The following TMTC1 variants were observed in gnomAD, a reference collection of about 807,000 sequenced individuals.
TMTC1 encodes the protein transmembrane O-mannosyltransferase targeting cadherins 1, also known as protein O-mannosyl-transferase TMTC1.
A neutral mutation model predicts 104.8 loss-of-function variants in TMTC1; 73 were observed. The ratio of observed to expected loss-of-function variants is 0.70; its 90% confidence interval spans 0.58 to 0.85. The LOEUF (loss-of-function observed/expected upper bound fraction) is 0.85. Ranked by LOEUF, TMTC1 falls within the 40% of genes least tolerant of loss-of-function variation. The pLI is 0.00. For synonymous variants in TMTC1, 434 were observed against 428.7 expected, an observed-to-expected ratio of 1.01 and a Z score of -0.15; for missense variants, 1,035 against 1,096.1, an observed-to-expected ratio of 0.94 and a Z score of 0.79.
chr12:29,751,879 T>C lies in TMTC1; in HGVS notation c.732-7A>G. 1 of 1,542,108 alleles carries C rather than the reference T, an allele frequency of 6.5e-7. No homozygotes were observed. Among genetic ancestry groups the C allele is most frequent in the Non-Finnish European group, 8.7e-7 (1 of 1,142,866 alleles). ...ACAGAGGGCCCCATTGCTCCTGTTG[T>C]GCATGGAATTGAGGGAAAACAAAGT... On this transcript the variant is annotated splice_polypyrimidine_tract_variant and splice_region_variant and intron_variant, in intron 4 of 17. Transcript: ENST00000539277.
At chr12:29,697,241 A>C (rs1266905210) in intron 5 of TMTC1, among the ~76,000 whole-genome samples, 1 of 152,202 alleles carries the variant, frequency 6.6e-6, no homozygotes, top group East Asian at 1.9e-4. Context: ...CACTTCTTCC[A>C]CCTGTCACTT....
At chr12:29,711,176 C>T (rs1941915824) in intron 5 of TMTC1, among the ~76,000 whole-genome samples, 1 of 151,542 alleles carries the variant, frequency 6.6e-6, no homozygotes, top group Non-Finnish European at 1.5e-5. Context: ...GACAGGGTCT[C>T]ACTGTGTGCC....
intron 5 of TMTC1, among the ~76,000 whole-genome samples, chr12:29,697,767 G>C (rs1840243703): frequency 6.6e-6 from 1 of 152,158 alleles, no homozygotes; most frequent in African/African-American, 2.4e-5. Context: ...TTTCTCAGGG[G>C]AGGCCAGTCT....
chr12:29,727,242 TAG>T (rs1942417597), intron 5 of TMTC1, among the ~76,000 whole-genome samples: 1 of 152,104 alleles, frequency 6.6e-6, no homozygotes. Context: ...TTTTCTGAAA[TAG>T]AGTCAAAGAT....
Position 29,663,619 on chromosome 12 carries a change from C to T in TMTC1, c.939-30283G>A, listed in dbSNP as rs564839546. Among the ~76,000 whole-genome samples, 37 of 151,890 alleles carry T rather than the reference C, an allele frequency of 2.4e-4. 1 individual carries two copies. The highest frequency in any genetic ancestry group is 8.2e-4 in the African/African-American group (34 of 41,388). The stretch of plus-strand genomic sequence containing the variant: ...GCAACTTCTGCCTCCCGGGTTCAAG[C>T]TATTCTCCTGCCTCATCCTCATGAG... On this transcript the variant is annotated intron_variant, in intron 5 of 17. Coordinates refer to ENST00000539277, the MANE Select transcript of TMTC1 (RefSeq NM_001193451.2).
At chr12:29,781,767 G>A (rs148131741) in intron 1 of TMTC1, among the ~76,000 whole-genome samples, 2 of 152,174 alleles carry the variant, frequency 1.3e-5, no homozygotes, top group East Asian at 3.8e-4. Context: ...GAAGTTTCAG[G>A]CTACAGTGAG....
chr12:29,535,982 T>C, intron 11 of TMTC1: 1 of 514,480 alleles, frequency 1.9e-6, no homozygotes, highest in Non-Finnish European at 3.4e-6. Flanking sequence ...AGAGAGAATA[T>C]ATCAATGGCC....
chr12:29,612,466 G>A (rs1430134685), intron 6 of TMTC1, among the ~76,000 whole-genome samples: 2 of 152,156 alleles, frequency 1.3e-5, no homozygotes, highest in Non-Finnish European at 2.9e-5. Flanking sequence ...CCAGGCTGGA[G>A]TGCAGTGGTG....
intron 2 of TMTC1, among the ~76,000 whole-genome samples, 183 bp downstream of exon 2, chr12:29,767,715 G>T (rs1943500393): frequency 6.6e-6 from 1 of 152,002 alleles, no homozygotes; most frequent in South Asian, 2.1e-4. Context: ...TTAATAGAGT[G>T]AACTCATATG....
chr12:29,719,421 GT>G (rs1312973550), intron 5 of TMTC1, among the ~76,000 whole-genome samples: 1 of 152,126 alleles, frequency 6.6e-6, no homozygotes, highest in African/African-American at 2.4e-5. Context: ...TCCACTTGAA[GT>G]TTTTTTGGAA....
intron 8 of TMTC1, among the ~76,000 whole-genome samples, chr12:29,576,949 G>A (rs1945841359): frequency 6.6e-6 from 1 of 152,076 alleles, no homozygotes; most frequent in Admixed American, 6.6e-5. Flanking sequence ...ATGGAATAAA[G>A]AGGGTTGCTT....
Position 29,580,519 on chromosome 12 carries a change from G to A in TMTC1, c.1418+2888C>T, listed in dbSNP as rs182272752. ...TACTCTGTAAGATTGCTCATGGAAT[G>A]GTCAGGCAAAATCATCCCACATAAT... is the stretch of plus-strand genomic sequence containing the variant. On this transcript the variant is annotated intron_variant, in intron 8 of 17. Coordinates refer to ENST00000539277, the MANE Select transcript of TMTC1 (RefSeq NM_001193451.2). Among the ~76,000 whole-genome samples, 41 of 152,162 alleles carry A rather than the reference G, an allele frequency of 2.7e-4. 1 individual carries two copies. Among genetic ancestry groups the A allele is most frequent in the African/African-American group, 6.7e-4 (28 of 41,524 alleles).
chr12:29,670,365 A>C (rs1396443875), intron 5 of TMTC1, among the ~76,000 whole-genome samples: 2 of 152,198 alleles, frequency 1.3e-5, no homozygotes, highest in Admixed American at 1.3e-4. Flanking sequence ...TGTAATCCTT[A>C]GCACATTCCT....
chr12:29,657,697 G>T (rs1939824050), intron 5 of TMTC1, among the ~76,000 whole-genome samples: 1 of 152,124 alleles, frequency 6.6e-6, no homozygotes, highest in Middle Eastern at 3.2e-3. Flanking sequence ...AGAAAGAGAA[G>T]AAAATACTAG....
At chr12:29,719,053 G>A (rs764229875) in intron 5 of TMTC1, among the ~76,000 whole-genome samples, 8 of 151,914 alleles carry the variant, frequency 5.3e-5, no homozygotes, top group Middle Eastern at 3.4e-3. Flanking sequence ...TTTTTGCTTC[G>A]AGACTGGAAT....
intron 10 of TMTC1, among the ~76,000 whole-genome samples, chr12:29,545,429 CAGG>C (rs756538748): frequency 4.6e-5 from 7 of 152,092 alleles, no homozygotes; most frequent in Non-Finnish European, 8.8e-5. Flanking sequence ...CATTTGAGGT[CAGG>C]AGTTCGAGAC....
chr12:29,719,277 G>T (rs11050407), intron 5 of TMTC1, among the ~76,000 whole-genome samples: 60 of 152,220 alleles, frequency 3.9e-4, no homozygotes, highest in Non-Finnish European at 7.8e-4. Flanking sequence ...GTTCACTCGT[G>T]CATTTTTAAA....
At chr12:29,632,782 A>C (rs893543759) in intron 6 of TMTC1, among the ~76,000 whole-genome samples, 2 of 152,194 alleles carry the variant, frequency 1.3e-5, no homozygotes, top group African/African-American at 4.8e-5. Context: ...AAATCATCCA[A>C]CTACCCCTGG....
In TMTC1 at chr12:29,751,770, C is replaced by CCGCT. The variant is rs1943096405; in HGVS notation, c.830_833dup (p.Phe279AlafsTer60). On this transcript the variant is annotated frameshift_variant, in exon 5 of 18. Coordinates refer to ENST00000539277, the MANE Select transcript of TMTC1 (RefSeq NM_001193451.2). LOFTEE classifies it high-confidence loss of function. ...CACCCCAAGCTCCTTTGTGAGGGAACCGCTGCTGCTTCCCATTCTCCCGGT... is the reference window on the plus strand; with the variant it reads ...CACCCCAAGCTCCTTTGTGAGGGAACCGCTCGCTGCTGCTTCCCATTCTCCCGGT... The CCGCT allele has an allele frequency of 1.9e-6, 3 of 1,614,056 alleles. No homozygotes were observed. The East Asian group carries it at 6.7e-5, about 36-fold the overall frequency.
Sources: gnomAD v4.1 joint callset for allele counts (sites outside exome capture counted in the v4.1 genomes callset) on GRCh38, gnomAD v4.1.1 for gene constraint, MANE v1.5 for transcripts, NCBI Gene and HGNC (gene_info 2026-07-23, HGNC 2026-07-21) for gene names.